KLHL1: variants seen among roughly 807,000 people sequenced by gnomAD.
The protein encoded by KLHL1 is kelch like family member 1.
KLHL1 carries 47 observed loss-of-function variants against 77.7 expected under a neutral mutation model. The observed-to-expected ratio is 0.60, with a 90% CI of 0.48 to 0.77. The LOEUF (loss-of-function observed/expected upper bound fraction) is 0.77, where lower values mean the gene tolerates loss of function less well. Among genes scored for constraint, KLHL1 ranks in the 30% least tolerant of loss-of-function variants. The probability of loss-of-function intolerance (pLI) is 0.00; values close to 1 mark genes in which losing one functional copy is unlikely to be tolerated. For missense variants in KLHL1, 925 were observed against 910.8 expected (o/e 1.02, Z -0.20); for synonymous variants, 360 against 325.2 (o/e 1.11, Z -1.15).
chr13:70,047,593 C>T (rs1003910855), intron 1 of KLHL1, among the ~76,000 whole-genome samples: 2 of 152,110 alleles, frequency 1.3e-5, no homozygotes, highest in Admixed American at 1.3e-4. Flanking sequence ...AAGATAAATT[C>T]TTCTAACCTT....
At chr13:69,707,586 T>G in intron 10 of KLHL1, 39 bp downstream of exon 10, 13 of 1,568,516 alleles carry the variant, frequency 8.3e-6, no homozygotes, top group Non-Finnish European at 1.1e-5. Context: ...TGAAATAAAT[T>G]CTTATCCTTG....
intron 9 of KLHL1, among the ~76,000 whole-genome samples, chr13:69,718,145 G>T (rs913630515): frequency 1.3e-5 from 2 of 151,928 alleles, no homozygotes; most frequent in African/African-American, 4.8e-5. Context: ...CCTCAATCAG[G>T]ATACAGACTG....
chr13:69,708,580 A>G lies in KLHL1; in HGVS notation c.2016-784T>C, dbSNP rs375739847. On this transcript the variant is annotated intron_variant, in intron 9 of 10. Transcript: ENST00000377844. Reference sequence around the variant, plus strand: ...GAAAGACTAGTAATTCAAGAGATCAAAGTCAGAAGACTGAACTTATTGTTA... The same window carrying G: ...GAAAGACTAGTAATTCAAGAGATCAGAGTCAGAAGACTGAACTTATTGTTA... Among the ~76,000 whole-genome samples, 22 of 152,182 alleles carry G rather than the reference A, an allele frequency of 1.4e-4. No individual in the cohort carries two copies. The East Asian group carries it at 3.5e-3, about 24-fold the overall frequency.
rs544138542 is a variant in KLHL1 at position 70,094,512 on chromosome 13, G to A, written c.497+12691C>T. On this transcript the variant is annotated intron_variant, in intron 1 of 10. Transcript: ENST00000377844. ...GTCTCATAAAATTATGTAGTCTCAC[G>A]TAGACTAAAATAAAAAATTCCTATT... Among the ~76,000 whole-genome samples, 59 of 151,666 alleles carry A rather than the reference G, an allele frequency of 3.9e-4. 1 individual carries two copies. Among genetic ancestry groups the A allele is most frequent in the Admixed American group, 9.2e-4 (14 of 15,202 alleles).
intron 1 of KLHL1, among the ~76,000 whole-genome samples, chr13:69,992,140 C>T (rs149689755): frequency 1.3e-5 from 2 of 152,060 alleles, no homozygotes; most frequent in African/African-American, 4.8e-5. Context: ...TCTACTGAAA[C>T]ACTTCATTTT....
chr13:69,707,071 T>G lies in KLHL1; in HGVS notation c.2187+554A>C, dbSNP rs571168905. Among the ~76,000 whole-genome samples the G allele has an allele frequency of 5.6e-3, 855 of 152,132 alleles. 6 individuals are homozygous for G. Among genetic ancestry groups the G allele is most frequent in the African/African-American group, 0.02 (818 of 41,548 alleles). On this transcript the variant is annotated intron_variant, in intron 10 of 10. Transcript: ENST00000377844. Reference sequence around the variant, plus strand: ...AGTGAGCACTCACTACATGACAGGCTATGCAAAGCCCTTTCCTGTTTATTC... The same window carrying G: ...AGTGAGCACTCACTACATGACAGGCGATGCAAAGCCCTTTCCTGTTTATTC...
intron 5 of KLHL1, among the ~76,000 whole-genome samples, chr13:69,840,594 A>G (rs559839185): frequency 1.1e-4 from 17 of 151,950 alleles, no homozygotes; most frequent in African/African-American, 3.6e-4. Context: ...ATAAGTGAAG[A>G]TGATTAATTA....
At chr13:69,721,476 A>G (rs565551271) in intron 8 of KLHL1, among the ~76,000 whole-genome samples, 64 of 152,010 alleles carry the variant, frequency 4.2e-4, no homozygotes, top group African/African-American at 1.5e-3. Context: ...CCTGTCTCAG[A>G]TATTTTGGGT....
At chr13:70,049,417 C>T (rs1244661542) in intron 1 of KLHL1, among the ~76,000 whole-genome samples, 1 of 152,150 alleles carries the variant, frequency 6.6e-6, no homozygotes, top group Non-Finnish European at 1.5e-5. Context: ...GAGTTCTTCT[C>T]ACATGTGCTA....
At chr13:69,808,066 A>G (rs1593850302) in intron 6 of KLHL1, among the ~76,000 whole-genome samples, 2 of 152,210 alleles carry the variant, frequency 1.3e-5, no homozygotes, top group African/African-American at 4.8e-5. Context: ...ATGCAAGTAT[A>G]ACACCAGCTA....
chr13:70,097,392 G>T (rs1354379952), intron 1 of KLHL1, among the ~76,000 whole-genome samples: 2 of 151,930 alleles, frequency 1.3e-5, no homozygotes, highest in Non-Finnish European at 2.9e-5. Context: ...TGTTTAGCAG[G>T]TTTTCAGTTT....
chr13:69,909,651 T>C (rs763854610), intron 4 of KLHL1, among the ~76,000 whole-genome samples: 1 of 152,002 alleles, frequency 6.6e-6, no homozygotes, highest in Non-Finnish European at 1.5e-5. Context: ...ATTCATTCCA[T>C]GCATGAGTTC....
intron 1 of KLHL1, among the ~76,000 whole-genome samples, chr13:70,036,592 G>A (rs1004196321): frequency 3.3e-5 from 5 of 151,790 alleles, no homozygotes; most frequent in Admixed American, 6.6e-5. Flanking sequence ...CATATAATAC[G>A]TATTTACCTT....
At chr13:69,760,616 A>C (rs1250455763) in intron 7 of KLHL1, among the ~76,000 whole-genome samples, 3 of 152,038 alleles carry the variant, frequency 2.0e-5, no homozygotes, top group Non-Finnish European at 4.4e-5. Context: ...CAGACTCCCA[A>C]ACTGCTGGGA....
Position 69,875,510 on chromosome 13 carries a change from C to T in KLHL1, c.1227+6773G>A, listed in dbSNP as rs996972518. 2.6e-5 allele frequency among the ~76,000 whole-genome samples: 4 copies of T among 152,082 alleles called. 1 individual carries two copies. Among genetic ancestry groups the T allele is most frequent in the South Asian group, 4.1e-4 (2 of 4,822 alleles). On this transcript the variant is annotated intron_variant, in intron 5 of 10. Transcript: ENST00000377844. The stretch of plus-strand genomic sequence containing the variant: ...AGCAGAAACACTTAATATATTGTAA[C>T]GAAAATAAAGACTTTCAGATTATGT...
intron 7 of KLHL1, among the ~76,000 whole-genome samples, chr13:69,744,387 TA>T (rs1271355225): frequency 1.3e-5 from 2 of 152,074 alleles, no homozygotes; most frequent in African/African-American, 4.8e-5. Context: ...CCATTCTGGT[TA>T]CTACTTAGTG....
chr13:69,919,988 A>G (rs750336041), intron 4 of KLHL1, among the ~76,000 whole-genome samples: 1 of 152,076 alleles, frequency 6.6e-6, no homozygotes, highest in African/African-American at 2.4e-5. Flanking sequence ...TGCTTGTATC[A>G]TGATGTAAAT....
intron 8 of KLHL1, among the ~76,000 whole-genome samples, chr13:69,728,398 G>T (rs76904020): frequency 0.037 from 5,123 of 137,720 alleles, 280 homozygotes; most frequent in African/African-American, 0.13. Context: ...CAACTGCCTT[G>T]TAAAAATTGT....
intron 1 of KLHL1, among the ~76,000 whole-genome samples, chr13:70,018,013 C>A (rs892948573): frequency 6.6e-6 from 1 of 151,764 alleles, no homozygotes; most frequent in Non-Finnish European, 1.5e-5. Flanking sequence ...TAATTGAATT[C>A]TGTTAATTTT....
Sources: allele counts gnomAD v4.1 joint callset (sites outside exome capture counted in the v4.1 genomes callset), GRCh38; gene constraint gnomAD v4.1.1; transcripts MANE v1.5; gene names NCBI Gene and HGNC (gene_info 2026-07-23, HGNC 2026-07-21).